The following SCN2A variants were observed in gnomAD, a reference collection of about 807,000 sequenced individuals.
SCN2A encodes the protein sodium channel protein type 2 subunit alpha.
In SCN2A, 20 loss-of-function variants were observed where a neutral mutation model predicts 188.7. The observed-to-expected ratio is 0.11, with a 90% confidence interval of 0.07 to 0.15. The LOEUF (loss-of-function observed/expected upper bound fraction) is 0.15. Ranked by LOEUF, SCN2A falls within the 10% of genes least tolerant of loss-of-function variation. The probability of loss-of-function intolerance (pLI) is 1.00; values close to 1 mark genes in which losing one functional copy is unlikely to be tolerated. For synonymous variants in SCN2A, 804 were observed against 833.1 expected (o/e 0.97, Z 0.60); for missense variants, 1,278 against 2,445.0 (o/e 0.52, Z 10.07).
In SCN2A at chr2:165,355,830, C is replaced by G. The variant is rs148390721; in HGVS notation, c.3399+1159C>G. On this transcript the variant is annotated intron_variant, in intron 17 of 26. Transcript: ENST00000375437. Reference sequence around the variant, plus strand: ...TGGCCAACATGGTGAAACCCTGTCTCTACTAGAGATTCAAAAAAATTAGCC... The same window carrying G: ...TGGCCAACATGGTGAAACCCTGTCTGTACTAGAGATTCAAAAAAATTAGCC... 6.5e-3 allele frequency among the ~76,000 whole-genome samples: 983 copies of G among 152,096 alleles called. 9 individuals carry two copies. The highest frequency in any genetic ancestry group is 0.02 in the Middle Eastern group (6 of 294).
intron 14 of SCN2A, among the ~76,000 whole-genome samples, chr2:165,335,511 C>T (rs909536290): frequency 6.6e-6 from 1 of 151,588 alleles, no homozygotes; most frequent in East Asian, 1.9e-4. Flanking sequence ...AGGAAAGAAG[C>T]CTTTTCAACA....
At chr2:165,358,308 G>A (rs978050377) in intron 17 of SCN2A, among the ~76,000 whole-genome samples, 12 of 151,852 alleles carry the variant, frequency 7.9e-5, no homozygotes, top group Non-Finnish European at 1.2e-4. Flanking sequence ...TTTTCTGAAG[G>A]GTAATCTTCA....
rs763448640 is a variant in SCN2A, at chr2:165,389,714, A to G, written c.5908A>G (p.Thr1970Ala). ...PEKTDMTPST[T>A]SPPSYDSVTK... ...GAAAACCGATATGACGCCTTCCACC[A>G]CGTCTCCACCCTCGTATGATAGTGT... is the stretch of plus-strand genomic sequence containing the variant. Residue 1970 changes from threonine (T) to alanine (A), a missense_variant, in exon 27 of 27, where the codon ACG (threonine) becomes GCG (alanine). Coordinates refer to ENST00000375437, the MANE Select transcript of SCN2A (RefSeq NM_001040142.2). The surrounding 1 kb of genome is among the most constrained non-coding windows in gnomAD (Gnocchi z 4.2). 6.2e-7 allele frequency: 1 copy of G among 1,613,990 alleles called. No individual in the cohort carries two copies. The highest frequency in any genetic ancestry group is 8.5e-7 in the Non-Finnish European group (1 of 1,179,952).
chr2:165,294,925 A>G (rs1696424926), intron 1 of SCN2A, among the ~76,000 whole-genome samples: 1 of 152,158 alleles, frequency 6.6e-6, no homozygotes, highest in South Asian at 2.1e-4. Flanking sequence ...GGACACTAAG[A>G]CTGTGATGCT....
At chr2:165,339,094 G>A (rs547305652) in intron 14 of SCN2A, among the ~76,000 whole-genome samples, 1 of 152,088 alleles carries the variant, frequency 6.6e-6, no homozygotes, top group East Asian at 1.9e-4. Context: ...GGTGGCAGGC[G>A]CCTGCAATAC....
intron 14 of SCN2A, among the ~76,000 whole-genome samples, chr2:165,341,203 C>T (rs1424390490): frequency 6.6e-6 from 1 of 152,188 alleles, no homozygotes; most frequent in Non-Finnish European, 1.5e-5. Flanking sequence ...ATGCCATTCT[C>T]CTGCCTCAGC....
rs534595118 is a variant in SCN2A, at chr2:165,307,722, A to G, written c.387-126A>G. ...AGAAATGGCAAAAAAAAGGGTCAAT[A>G]ATAGAATAATAAGCAACAAAATAAT... is the stretch of plus-strand genomic sequence containing the variant. On this transcript the variant is annotated intron_variant, in intron 3 of 26. Coordinates refer to ENST00000375437, the MANE Select transcript of SCN2A (RefSeq NM_001040142.2). 4 of 747,164 alleles carry G rather than the reference A, an allele frequency of 5.4e-6. No homozygotes were observed. The African/African-American group carries it at 6.9e-5, about 13-fold the overall frequency. 46.3% of individuals were successfully genotyped at this position (747,164 alleles called of 1,614,324 possible). A position where few individuals can be genotyped will look rare whatever the true frequency, so the allele number is the denominator to read the frequency against.
chr2:165,303,442 A>AT (rs1696949847), intron 3 of SCN2A, among the ~76,000 whole-genome samples: 2 of 151,692 alleles, frequency 1.3e-5, no homozygotes, highest in Admixed American at 6.6e-5. Context: ...CGCCCGGCTG[A>AT]TTTTTTGTAA....
chr2:165,332,967 C>A (rs1039481721), intron 14 of SCN2A, among the ~76,000 whole-genome samples: 1 of 151,920 alleles, frequency 6.6e-6, no homozygotes, highest in African/African-American at 2.4e-5. Flanking sequence ...AAGATTCTAT[C>A]AACTTTTATT....
Position 165,310,542 on chromosome 2 carries a change from C to G in SCN2A, c.917C>G (p.Thr306Ser). 1 of 1,612,796 alleles carries G rather than the reference C, an allele frequency of 6.2e-7. No individual in the cohort carries two copies. The highest frequency in any genetic ancestry group is 8.5e-7 in the Non-Finnish European group (1 of 1,179,034). Reference protein sequence around the residue: ...FNNSLDGNGTTFNRTVSIFNW... With the variant: ...FNNSLDGNGTSFNRTVSIFNW... ...AATTCATTGGATGGGAATGGTACTACTTTCAATAGGACAGTGAGCATATTT... is the reference window on the plus strand; with the variant it reads ...AATTCATTGGATGGGAATGGTACTAGTTTCAATAGGACAGTGAGCATATTT... Residue 306 changes from threonine (T) to serine (S), a missense_variant, in exon 7 of 27, where the codon ACT becomes AGT. Thr to Ser is a moderately conservative substitution (Grantham distance 58, BLOSUM62 1). Transcript: ENST00000375437.
chr2:165,365,284 T>C lies in SCN2A; in HGVS notation c.3520+21T>C, dbSNP rs551616915. ...AGAAGGTAAGCAAAACAATAACATA[T>C]GTGGTCTTGAGTATCCTCTTTTCTA... On this transcript the variant is annotated intron_variant, in intron 18 of 26. Coordinates refer to ENST00000375437, the MANE Select transcript of SCN2A (RefSeq NM_001040142.2). The C allele has an allele frequency of 9.3e-6, 15 of 1,613,340 alleles. No homozygotes were observed. In the African/African-American group the frequency reaches 1.3e-4, roughly 14 times the overall value.
At chr2:165,348,000 C>T (rs1478013601) in intron 16 of SCN2A, among the ~76,000 whole-genome samples, 3 of 152,148 alleles carry the variant, frequency 2.0e-5, no homozygotes, top group Non-Finnish European at 2.9e-5. Context: ...GTAATTACAC[C>T]GAGTTGCTTA....
intron 10 of SCN2A, 118 bp from the exon 11 acceptor site, chr2:165,315,350 GAAT>G: frequency 6.7e-7 from 1 of 1,484,624 alleles, no homozygotes; most frequent in South Asian, 1.3e-5. Context: ...CTAAAACACA[GAAT>G]AAAATGGAGA....
chr2:165,311,175 T>C lies in SCN2A; in HGVS notation c.970+580T>C, dbSNP rs369002703. Among the ~76,000 whole-genome samples the C allele has an allele frequency of 1.3e-4, 4 of 30,570 alleles. 1 individual carries two copies. Among genetic ancestry groups the C allele is most frequent in the South Asian group, 7.8e-4 (1 of 1,288 alleles). 20.1% of individuals were successfully genotyped at this position (30,570 alleles called of 152,430 possible). ...TGTAGTTACCAGTTTAGTTTGATTA[T>C]ATTTAAGGTATGAACATCAGAATAA... On this transcript the variant is annotated intron_variant, in intron 7 of 26. Coordinates refer to ENST00000375437, the MANE Select transcript of SCN2A (RefSeq NM_001040142.2).
At chr2:165,306,172 G>GT (rs1392987869) in intron 3 of SCN2A, among the ~76,000 whole-genome samples, 1 of 152,174 alleles carries the variant, frequency 6.6e-6, no homozygotes, top group Non-Finnish European at 1.5e-5. Flanking sequence ...TAGAAAATAA[G>GT]TTTTCAGCTT....
intron 14 of SCN2A, among the ~76,000 whole-genome samples, chr2:165,340,154 T>G (rs1186234945): frequency 1.3e-5 from 2 of 152,202 alleles, no homozygotes; most frequent in African/African-American, 4.8e-5. Flanking sequence ...GATTGTAGAC[T>G]AAGCAGAAAA....
At chr2:165,351,552 A>G (rs1439017496) in intron 16 of SCN2A, among the ~76,000 whole-genome samples, 1 of 144,570 alleles carries the variant, frequency 6.9e-6, no homozygotes, top group Non-Finnish European at 1.5e-5. Context: ...ATTAGGAGAA[A>G]AGACCTTGTA....
intron 20 of SCN2A, chr2:165,372,175 G>A (rs540285304): frequency 6.6e-6 from 1 of 152,204 alleles, no homozygotes; most frequent in East Asian, 1.9e-4. Flanking sequence ...CTGTTAAAAA[G>A]GGACTTACAA....
At position 165,308,653 on chromosome 2, in the gene SCN2A, T is replaced by C. The variant is rs973711914; in HGVS notation, c.477-13T>C. 2 of 1,610,168 alleles carry C rather than the reference T, an allele frequency of 1.2e-6. No individual in the cohort carries two copies. Among genetic ancestry groups the C allele is most frequent in the African/African-American group, 1.3e-5 (1 of 74,842 alleles). ...ACTAGATTTTTAATGTGAGCTTGGCTATTTTCTCTCAGGTATACCTTTACA... is the reference window on the plus strand; with the variant it reads ...ACTAGATTTTTAATGTGAGCTTGGCCATTTTCTCTCAGGTATACCTTTACA... On this transcript the variant is annotated splice_polypyrimidine_tract_variant and intron_variant, in intron 4 of 26. Coordinates refer to ENST00000375437, the MANE Select transcript of SCN2A (RefSeq NM_001040142.2).
Sources: allele counts gnomAD v4.1 joint callset (sites outside exome capture counted in the v4.1 genomes callset), GRCh38; gene constraint gnomAD v4.1.1; non-coding constraint Gnocchi (gnomAD v3.1); transcripts MANE v1.5; gene names NCBI Gene and HGNC (gene_info 2026-07-23, HGNC 2026-07-21).